Variants in ROBO2 observed in about 807,000 individuals in gnomAD.
ROBO2 encodes roundabout guidance receptor 2.
ROBO2 carries 53 observed loss-of-function variants against 160.8 expected under a neutral mutation model. The ratio of observed to expected loss-of-function variants is 0.33; its 90% confidence interval spans 0.26 to 0.41. The LOEUF (loss-of-function observed/expected upper bound fraction) is 0.41. ROBO2 is among the 10% of genes least tolerant of loss of function. ROBO2 has a pLI of 1.00. For synonymous variants in ROBO2, 664 were observed against 611.7 expected, an observed-to-expected ratio of 1.09 and a Z score of -1.26; for missense variants, 1,577 against 1,722.4, an observed-to-expected ratio of 0.92 and a Z score of 1.49.
intron 2 of ROBO2, among the ~76,000 whole-genome samples, chr3:76,656,723 A>C (rs771322646): frequency 9.9e-5 from 15 of 152,128 alleles, no homozygotes; most frequent in Non-Finnish European, 1.8e-4. Flanking sequence ...GACCTCCGAG[A>C]CATTATGGCA....
Position 76,687,221 on chromosome 3 carries a change from G to A in ROBO2, c.110-410793G>A, listed in dbSNP as rs149607223. On this transcript the variant is annotated intron_variant, in intron 2 of 26. Coordinates refer to the ROBO2 transcript ENST00000487694. ...CACAGAGGTCAATAATACAGGCTCTGAATCCAGGCTACCTGGGGTCAAATT... is the reference window on the plus strand; with the variant it reads ...CACAGAGGTCAATAATACAGGCTCTAAATCCAGGCTACCTGGGGTCAAATT... Among the ~76,000 whole-genome samples the A allele has an allele frequency of 7.6e-3, 1,160 of 152,102 alleles. 14 individuals carry two copies. Among genetic ancestry groups the A allele is most frequent in the African/African-American group, 0.021 (888 of 41,506 alleles).
intron 2 of ROBO2, among the ~76,000 whole-genome samples, chr3:77,197,066 A>G (rs116838173): frequency 6.6e-6 from 1 of 152,316 alleles, no homozygotes; most frequent in Non-Finnish European, 1.5e-5. Context: ...CTAATGTTCT[A>G]CACAGGAAAC....
rs143992343 is a variant in ROBO2 at position 75,965,991 on chromosome 3, G to A, written c.109+28389G>A. Among the ~76,000 whole-genome samples, 619 of 151,832 alleles carry A rather than the reference G, an allele frequency of 4.1e-3. 4 individuals carry two copies. Among genetic ancestry groups the A allele is most frequent in the African/African-American group, 0.013 (527 of 41,528 alleles). ...TTGAAATTCTGTAAGATAATGAAGA[G>A]TTGGTAATTACATCTTTACAGTTTA... On this transcript the variant is annotated intron_variant, in intron 2 of 26. Coordinates refer to the ROBO2 transcript ENST00000487694.
At chr3:77,188,729 C>G (rs149127769) in intron 2 of ROBO2, among the ~76,000 whole-genome samples, 1 of 151,612 alleles carries the variant, frequency 6.6e-6, no homozygotes, top group African/African-American at 2.4e-5. Context: ...CTGTGTTCAC[C>G]AAAAATTTAA....
At chr3:77,428,547 G>A (rs1581862976) in intron 2 of ROBO2, among the ~76,000 whole-genome samples, 1 of 149,516 alleles carries the variant, frequency 6.7e-6, no homozygotes, top group South Asian at 2.1e-4. Context: ...TAGTAGAGAC[G>A]GGGTTTCACC....
chr3:76,098,971 G>T (rs938483659), intron 2 of ROBO2, among the ~76,000 whole-genome samples: 1 of 152,212 alleles, frequency 6.6e-6, no homozygotes, highest in Non-Finnish European at 1.5e-5. Context: ...GTGCTGTGGG[G>T]CAAGTCAATG....
At chr3:76,719,881 C>G (rs1168238546) in intron 2 of ROBO2, among the ~76,000 whole-genome samples, 28 of 11,356 alleles carry the variant, frequency 2.5e-3, no homozygotes, top group Admixed American at 4.9e-3. Flanking sequence ...GAGACTGTGT[C>G]TCAAAAAAAA....
chr3:77,148,150 T>C (rs2077260245), intron 2 of ROBO2, among the ~76,000 whole-genome samples: 1 of 152,258 alleles, frequency 6.6e-6, no homozygotes, highest in African/African-American at 2.4e-5. Flanking sequence ...TGGTAAATTT[T>C]AAAGGAGGTA....
At chr3:77,041,079 C>A (rs1276430406) in intron 1 of ROBO2, among the ~76,000 whole-genome samples, 3 of 152,162 alleles carry the variant, frequency 2.0e-5, no homozygotes, top group Non-Finnish European at 4.4e-5. Flanking sequence ...TTGTAATTTA[C>A]TTCACTAATT....
chr3:77,367,045 G>C (rs1289683323), intron 2 of ROBO2, among the ~76,000 whole-genome samples: 1 of 152,100 alleles, frequency 6.6e-6, no homozygotes, highest in African/African-American at 2.4e-5. Context: ...ACTGTAAGTT[G>C]TATTGTGTTA....
chr3:76,962,778 C>T (rs2079770466), intron 2 of ROBO2, among the ~76,000 whole-genome samples: 1 of 152,138 alleles, frequency 6.6e-6, no homozygotes, highest in South Asian at 2.1e-4. Flanking sequence ...TGCATCCCAG[C>T]CTGGGTGACA....
chr3:76,702,157 C>T (rs1163585408), intron 2 of ROBO2, among the ~76,000 whole-genome samples: 2 of 151,812 alleles, frequency 1.3e-5, no homozygotes, highest in African/African-American at 2.4e-5. Context: ...ATATCTTTAT[C>T]CCTTTCCATT....
At chr3:77,118,456 C>G in intron 2 of ROBO2, among the ~76,000 whole-genome samples, 1 of 152,200 alleles carries the variant, frequency 6.6e-6, no homozygotes. Flanking sequence ...AATTAGAACA[C>G]TAAACATTTA....
At chr3:77,251,704 T>C (rs1159363698) in intron 2 of ROBO2, among the ~76,000 whole-genome samples, 1 of 151,966 alleles carries the variant, frequency 6.6e-6, no homozygotes, top group Non-Finnish European at 1.5e-5. Flanking sequence ...ACGGGGGCGG[T>C]CTCCCCCATA....
chr3:75,967,465 A>G (rs1488235798), intron 2 of ROBO2, among the ~76,000 whole-genome samples: 1 of 151,592 alleles, frequency 6.6e-6, no homozygotes, highest in Non-Finnish European at 1.5e-5. Context: ...ATTACTATAT[A>G]TTAATGCAAA....
rs142100522 is a variant in ROBO2 at position 77,473,838 on chromosome 3, A to G, written c.389-3576A>G. Reference sequence around the variant, plus strand: ...CGCTGAGGACTTGTTTACCCTCACTATCTGCCTAAATAATTTCTAGCTCCT... The same window carrying G: ...CGCTGAGGACTTGTTTACCCTCACTGTCTGCCTAAATAATTTCTAGCTCCT... On this transcript the variant is annotated intron_variant, in intron 2 of 25. Coordinates refer to ENST00000461745, the Ensembl canonical transcript of ROBO2. 1.8e-3 allele frequency among the ~76,000 whole-genome samples: 276 copies of G among 152,184 alleles called. 2 individuals carry two copies. Among genetic ancestry groups the G allele is most frequent in the African/African-American group, 6.4e-3 (266 of 41,510 alleles).
intron 2 of ROBO2, among the ~76,000 whole-genome samples, chr3:77,164,412 C>T (rs1163121465): frequency 1.0e-5 from 1 of 98,544 alleles, no homozygotes; most frequent in Non-Finnish European, 2.8e-5. Flanking sequence ...CCCGCCCGGC[C>T]AGCCGCCCCG....
intron 2 of ROBO2, among the ~76,000 whole-genome samples, chr3:76,330,097 A>AT (rs1360786385): frequency 6.6e-6 from 1 of 152,236 alleles, no homozygotes; most frequent in Non-Finnish European, 1.5e-5. Flanking sequence ...AAAATAGCAC[A>AT]TAAGTATTAT....
chr3:77,064,211 C>G (rs1578653687), intron 1 of ROBO2, among the ~76,000 whole-genome samples: 2 of 151,520 alleles, frequency 1.3e-5, no homozygotes, highest in South Asian at 4.2e-4. Flanking sequence ...TTATTCCTTT[C>G]AAAGAAAGAA....
Sources: allele counts gnomAD v4.1 joint callset (sites outside exome capture counted in the v4.1 genomes callset), GRCh38; gene constraint gnomAD v4.1.1; transcripts MANE v1.5; gene names NCBI Gene and HGNC (gene_info 2026-07-23, HGNC 2026-07-21).